SORBS2: variants seen among roughly 807,000 people sequenced by gnomAD.
The protein encoded by SORBS2 is sorbin and SH3 domain containing 2, also known as sorbin and SH3 domain-containing protein 2.
Under a neutral mutation model 97.7 loss-of-function variants are expected in SORBS2, and 46 were observed. That is an observed-to-expected ratio of 0.47 (90% CI 0.37 to 0.60). The LOEUF is 0.60. Ranked by LOEUF, SORBS2 falls within the 20% of genes least tolerant of loss-of-function variation. The pLI, the probability that SORBS2 is intolerant of heterozygous loss-of-function variation, is 0.00. For synonymous variants in SORBS2, 476 were observed against 473.4 expected, an observed-to-expected ratio of 1.01 and a Z score of -0.07; for missense variants, 1,316 against 1,282.3, an observed-to-expected ratio of 1.03 and a Z score of -0.40.
chr4:185,782,801 C>T (rs1255653101), intron 1 of SORBS2, among the ~76,000 whole-genome samples: 1 of 152,168 alleles, frequency 6.6e-6, no homozygotes, highest in Non-Finnish European at 1.5e-5. Context: ...GTGTGTCATA[C>T]ACTGTAGAGC....
At chr4:185,733,747 C>A (rs780658725) in intron 2 of SORBS2, among the ~76,000 whole-genome samples, 3 of 152,162 alleles carry the variant, frequency 2.0e-5, no homozygotes, top group Non-Finnish European at 4.4e-5. Context: ...TGAAATAAGG[C>A]AGAGTGAAGA....
intron 6 of SORBS2, among the ~76,000 whole-genome samples, chr4:185,625,796 T>A (rs772437554): frequency 2.0e-5 from 3 of 152,224 alleles, no homozygotes; most frequent in Non-Finnish European, 2.9e-5. Flanking sequence ...ATCCACCTAC[T>A]CAGAGTCCAA....
At chr4:185,950,810 C>T (rs1031502) in intron 1 of SORBS2, among the ~76,000 whole-genome samples, 58,180 of 151,902 alleles carry the variant, frequency 0.38, 11,294 homozygotes, top group East Asian at 0.58. Context: ...GCCTGCACGG[C>T]GGATATCTGC....
intron 2 of SORBS2, among the ~76,000 whole-genome samples, chr4:185,733,568 G>A (rs2098660613): frequency 6.6e-6 from 1 of 152,220 alleles, no homozygotes; most frequent in African/African-American, 2.4e-5. Context: ...TTGGGGATAA[G>A]GGCGTTCCTG....
intron 1 of SORBS2, among the ~76,000 whole-genome samples, chr4:185,821,010 TA>T (rs2099196480): frequency 6.6e-6 from 1 of 152,188 alleles, no homozygotes; most frequent in African/African-American, 2.4e-5. Flanking sequence ...CAACCTGAAC[TA>T]ACCCAAGAAG....
chr4:185,699,596 C>G (rs2098230079), intron 2 of SORBS2, among the ~76,000 whole-genome samples: 2 of 152,044 alleles, frequency 1.3e-5, no homozygotes, highest in African/African-American at 2.4e-5. Context: ...CAGAATGTAT[C>G]TTAAATTGTA....
At chr4:185,626,251 T>C (rs1171972209) in intron 6 of SORBS2, among the ~76,000 whole-genome samples, 1 of 152,230 alleles carries the variant, frequency 6.6e-6, no homozygotes, top group East Asian at 1.9e-4. Context: ...GTCCTGACTG[T>C]GAGCTGCTGT....
intron 2 of SORBS2, among the ~76,000 whole-genome samples, chr4:185,745,235 G>A (rs2098752787): frequency 6.6e-6 from 1 of 152,140 alleles, no homozygotes; most frequent in South Asian, 2.1e-4. Context: ...TGGGGACTAG[G>A]GAAGCAGTGT....
intron 1 of SORBS2, among the ~76,000 whole-genome samples, chr4:185,801,037 C>T (rs954343815): frequency 2.0e-5 from 3 of 152,218 alleles, no homozygotes; most frequent in African/African-American, 7.2e-5. Context: ...CCTTTGACCT[C>T]ATTTTCCTCC....
intron 4 of SORBS2, 136 bp from the exon 14 acceptor site, chr4:185,639,171 G>A (rs551366970): frequency 2.7e-6 from 2 of 740,940 alleles, no homozygotes; most frequent in South Asian, 4.5e-5. Flanking sequence ...GTGTCCCTAG[G>A]GACCCAGACG....
chr4:185,731,864 CTCTATATATATATATA>C (rs1409119122), intron 2 of SORBS2, among the ~76,000 whole-genome samples: 32 of 29,014 alleles, frequency 1.1e-3, no homozygotes, highest in South Asian at 6.8e-3. Flanking sequence ...CTCTCTCTCT[CTCTATATATATATATA>C]TATATATATA....
At chr4:185,881,234 C>T (rs2099236708) in intron 1 of SORBS2, among the ~76,000 whole-genome samples, 1 of 151,952 alleles carries the variant, frequency 6.6e-6, no homozygotes, top group African/African-American at 2.4e-5. Context: ...ACATTAGAGA[C>T]AGCAATCAAC....
chr4:185,650,457 G>C (rs1309222974), intron 2 of SORBS2, among the ~76,000 whole-genome samples: 1 of 152,152 alleles, frequency 6.6e-6, no homozygotes, highest in Non-Finnish European at 1.5e-5. Flanking sequence ...AGAGAGCAAA[G>C]AGACTAGCTG....
At chr4:185,738,843 C>G (rs1187659397) in intron 2 of SORBS2, among the ~76,000 whole-genome samples, 3 of 152,034 alleles carry the variant, frequency 2.0e-5, no homozygotes, top group Non-Finnish European at 4.4e-5. Context: ...TTTTTTCACT[C>G]TCCACATACT....
chr4:185,875,255 C>T (rs1003764501), intron 1 of SORBS2, among the ~76,000 whole-genome samples: 3 of 152,140 alleles, frequency 2.0e-5, no homozygotes, highest in African/African-American at 7.2e-5. Flanking sequence ...TTTAAGTGTT[C>T]TCACCACAAA....
intron 13 of SORBS2, among the ~76,000 whole-genome samples, chr4:185,592,272 A>C (rs1262423498): frequency 6.6e-6 from 1 of 152,244 alleles, no homozygotes; most frequent in Non-Finnish European, 1.5e-5. Context: ...GAAAGCAACT[A>C]AGCAACACCC....
At chr4:185,912,115 AT>A (rs2099255451) in intron 1 of SORBS2, among the ~76,000 whole-genome samples, 1 of 152,220 alleles carries the variant, frequency 6.6e-6, no homozygotes, top group African/African-American at 2.4e-5. Context: ...CACAAAATGC[AT>A]GTTTAAATAA....
At chr4:185,790,655 G>T (rs375773687) in intron 1 of SORBS2, among the ~76,000 whole-genome samples, 4 of 152,152 alleles carry the variant, frequency 2.6e-5, no homozygotes, top group Admixed American at 1.3e-4. Context: ...TCATGTAAAA[G>T]AAACTATTAT....
At chr4:185,934,394 G>A (rs976265438) in intron 1 of SORBS2, among the ~76,000 whole-genome samples, 2 of 152,096 alleles carry the variant, frequency 1.3e-5, no homozygotes, top group East Asian at 1.9e-4. Context: ...TAGAATAAAG[G>A]CATCCAATTT....
Sources: gnomAD v4.1 joint callset for allele counts (sites outside exome capture counted in the v4.1 genomes callset) on GRCh38, gnomAD v4.1.1 for gene constraint, MANE v1.5 for transcripts, NCBI Gene and HGNC (gene_info 2026-07-23, HGNC 2026-07-21) for gene names.